Variants in CELF2 observed in about 807,000 individuals in gnomAD.
CELF2 encodes CUG triplet repeat RNA-binding protein 2.
In CELF2, 8 loss-of-function variants were observed where a neutral mutation model predicts 62.6. The observed-to-expected ratio is 0.13, with a 90% CI of 0.07 to 0.23. The LOEUF (loss-of-function observed/expected upper bound fraction) is 0.23, where lower values mean the gene tolerates loss of function less well. CELF2 is among the 10% of genes least tolerant of loss of function. The pLI, the probability that CELF2 is intolerant of heterozygous loss-of-function variation, is 1.00. For missense variants in CELF2, 333 were observed against 671.0 expected (o/e 0.50, Z 5.56); for synonymous variants, 258 against 250.0 (o/e 1.03, Z -0.30).
At chr10:10,836,650 TA>T (rs1253066808) in intron 1 of CELF2, among the ~76,000 whole-genome samples, 2 of 152,214 alleles carry the variant, frequency 1.3e-5, no homozygotes, top group Non-Finnish European at 2.9e-5. Flanking sequence ...TATTTTATTT[TA>T]TTTTTTTTGA....
chr10:11,266,633 G>A lies in CELF2; in HGVS notation c.574G>A (p.Ala192Thr). The A allele has an allele frequency of 6.2e-7, 1 of 1,613,906 alleles. No homozygotes were observed. Among genetic ancestry groups the A allele is most frequent in the Non-Finnish European group, 8.5e-7 (1 of 1,179,870 alleles). ...TGTCACATTTTCTACAAGGGCAATGGCACAGAATGCAATCAAAGCCATGCA... is the reference window on the plus strand; with the variant it reads ...TGTCACATTTTCTACAAGGGCAATGACACAGAATGCAATCAAAGCCATGCA... ...AFVTFSTRAM[A>T]QNAIKAMHQS... is the part of the protein sequence containing the mutation. The change falls in exon 6 of 13, where the codon GCA becomes ACA. Residue 192 changes from alanine (A) to threonine (T), a missense_variant. Around this residue, in one of 3 missense-constraint regions of CELF2, gnomAD observed 253 missense variants for 503.0 expected, o/e 0.50. Transcript: ENST00000633077.
intron 1 of CELF2, among the ~76,000 whole-genome samples, chr10:11,137,955 T>C (rs2132105824): frequency 6.6e-6 from 1 of 152,348 alleles, no homozygotes; most frequent in East Asian, 1.9e-4. Flanking sequence ...AACCAGTGTT[T>C]GTTCAATTTA....
At chr10:10,699,989 T>G in the CELF2 span, among the ~76,000 whole-genome samples, 1 of 152,092 alleles carries the variant, frequency 6.6e-6, no homozygotes, top group Non-Finnish European at 1.5e-5. Context: ...TTTCAGTATT[T>G]CCAGAAAAAG....
chr10:10,530,692 C>T, the CELF2 span, among the ~76,000 whole-genome samples: 8 of 152,188 alleles, frequency 5.3e-5, no homozygotes, highest in African/African-American at 1.4e-4. Context: ...AAAACTATCA[C>T]GTATTGATAC....
At chr10:10,528,889 G>C in the CELF2 span, among the ~76,000 whole-genome samples, 1 of 152,112 alleles carries the variant, frequency 6.6e-6, no homozygotes, top group South Asian at 2.1e-4. Context: ...TATTTACCAG[G>C]AGTAGCTATC....
chr10:11,018,540 G>A, intron 1 of CELF2, among the ~76,000 whole-genome samples: 1 of 151,376 alleles, frequency 6.6e-6, no homozygotes, highest in East Asian at 1.9e-4. Flanking sequence ...TGAGCGGGGC[G>A]CGGCGTCCCG....
intron 1 of CELF2, among the ~76,000 whole-genome samples, chr10:11,007,807 G>A (rs116695050): frequency 7.3e-4 from 111 of 152,208 alleles, no homozygotes; most frequent in Middle Eastern, 3.4e-3. Flanking sequence ...CTAGCTGCTT[G>A]TCCGTGGCCC....
Position 11,010,752 on chromosome 10 carries a change from T to C in CELF2, c.53+5312T>C, listed in dbSNP as rs1447572501. 6.6e-6 allele frequency among the ~76,000 whole-genome samples: 1 copy of C among 152,234 alleles called. No individual in the cohort carries two copies. The highest frequency in any genetic ancestry group is 2.4e-5 in the African/African-American group (1 of 41,454). ...TCTTTCTCTGGTGCTGTGGTTCCAC[T>C]GTAGACGTTGATTTGTGTCTCCTGG... On this transcript the variant is annotated intron_variant, in intron 1 of 12. Transcript: ENST00000416382. The surrounding 1 kb of genome is among the most constrained non-coding windows in gnomAD (Gnocchi z 4.1).
At position 11,247,640 on chromosome 10, in the gene CELF2, A is replaced by G. The variant is rs1298214405; in HGVS notation, c.355-1513A>G. On this transcript the variant is annotated intron_variant, in intron 3 of 12. Transcript: ENST00000633077. The surrounding 1 kb of genome is among the most constrained non-coding windows in gnomAD (Gnocchi z 5.4). ...CACCCCTGCCACACTGAGCACCTGAAGGGAGGACCTTCTTCACTGGCCTTT... is the reference window on the plus strand; with the variant it reads ...CACCCCTGCCACACTGAGCACCTGAGGGGAGGACCTTCTTCACTGGCCTTT... Among the ~76,000 whole-genome samples the G allele has an allele frequency of 6.6e-6, 1 of 151,920 alleles. No homozygotes were observed. Among genetic ancestry groups the G allele is most frequent in the Non-Finnish European group, 1.5e-5 (1 of 67,970 alleles).
At position 11,334,134 on chromosome 10, in the gene CELF2, G is replaced by A. The variant is rs907359414; in HGVS notation, c.*5081G>A. Reference sequence around the variant, plus strand: ...CTGTATTGTGCAGTTACACAATAAGGTAATTAGATTTAGAAGTACTCAGTC... The same window carrying A: ...CTGTATTGTGCAGTTACACAATAAGATAATTAGATTTAGAAGTACTCAGTC... On this transcript the variant is annotated 3_prime_UTR_variant, in exon 13 of 13. Coordinates refer to ENST00000633077, the MANE Select transcript of CELF2 (RefSeq NM_001326342.2). The A allele has an allele frequency of 6.6e-6, 1 of 152,572 alleles. No homozygotes were observed. Among genetic ancestry groups the A allele is most frequent in the African/African-American group, 2.4e-5 (1 of 41,428 alleles). 9.5% of individuals were successfully genotyped at this position (152,572 alleles called of 1,614,324 possible). A position where few individuals can be genotyped will look rare whatever the true frequency, so the allele number is the denominator to read the frequency against.
intron 1 of CELF2, among the ~76,000 whole-genome samples, chr10:10,885,240 C>G (rs958194123): frequency 2.7e-5 from 4 of 149,532 alleles, no homozygotes; most frequent in South Asian, 2.1e-4. Context: ...GAGACACTGT[C>G]TCAAAAAAAA....
the CELF2 span, among the ~76,000 whole-genome samples, chr10:10,632,998 G>A: frequency 6.6e-6 from 1 of 152,060 alleles, no homozygotes; most frequent in South Asian, 2.1e-4. Flanking sequence ...TTTTATAAAG[G>A]CTGCATAGAA....
chr10:11,176,313 T>C (rs576634800), intron 2 of CELF2, among the ~76,000 whole-genome samples: 1 of 152,324 alleles, frequency 6.6e-6, no homozygotes, highest in South Asian at 2.1e-4. Context: ...ACAGTCCTCT[T>C]ATTAGCATAA....
chr10:10,775,623 A>T, the CELF2 span, among the ~76,000 whole-genome samples: 12,157 of 144,924 alleles, frequency 0.084, 682 homozygotes, highest in East Asian at 0.21. Context: ...CAAAAAAAAA[A>T]AAATATATAT....
intron 2 of CELF2, among the ~76,000 whole-genome samples, chr10:10,999,669 A>T (rs1367829654): frequency 6.6e-6 from 1 of 152,212 alleles, no homozygotes. Context: ...TCTTTCCTAC[A>T]CCATCTGGGT....
At chr10:11,054,111 C>A (rs2064599055) in intron 1 of CELF2, among the ~76,000 whole-genome samples, 1 of 152,178 alleles carries the variant, frequency 6.6e-6, no homozygotes, top group African/African-American at 2.4e-5. Flanking sequence ...CAGCCTCAAG[C>A]TGTGACAAGT....
chr10:11,027,239 G>C (rs903574619), intron 1 of CELF2, among the ~76,000 whole-genome samples: 1 of 152,178 alleles, frequency 6.6e-6, no homozygotes, highest in East Asian at 1.9e-4. Flanking sequence ...TTGCCTCCTC[G>C]TGCATTTGGG....
intron 1 of CELF2, among the ~76,000 whole-genome samples, chr10:11,023,075 A>G (rs1377623437): frequency 1.3e-5 from 2 of 152,124 alleles, no homozygotes; most frequent in African/African-American, 2.4e-5. Context: ...CGTTTGGGAG[A>G]TTTTGTTTCT....
rs2071704009 is a variant in CELF2 at position 11,177,613 on chromosome 10, C to G, written c.271+11931C>G. On this transcript the variant is annotated intron_variant, in intron 2 of 12. Coordinates refer to ENST00000633077, the MANE Select transcript of CELF2 (RefSeq NM_001326342.2). This position sits in a 1 kb window ranked among gnomAD's most constrained non-coding sequence, Gnocchi z 4.8. The stretch of plus-strand genomic sequence containing the variant: ...GACCAGCCTGGTTTCACGTTCCAGA[C>G]AGCATGAAGTACCTCAACAGCAAAG... Among the ~76,000 whole-genome samples, 2 of 152,164 alleles carry G rather than the reference C, an allele frequency of 1.3e-5. No homozygotes were observed. Among genetic ancestry groups the G allele is most frequent in the African/African-American group, 4.8e-5 (2 of 41,444 alleles).
Sources: allele counts gnomAD v4.1 joint callset (sites outside exome capture counted in the v4.1 genomes callset), GRCh38; gene constraint gnomAD v4.1.1; regional missense constraint gnomAD v4.1.1; non-coding constraint Gnocchi (gnomAD v3.1); transcripts MANE v1.5; gene names NCBI Gene and HGNC (gene_info 2026-07-23, HGNC 2026-07-21).